Variants in PUM2 observed in about 807,000 individuals in gnomAD.
PUM2 encodes the protein pumilio homolog 2.
Under a neutral mutation model 124.5 loss-of-function variants are expected in PUM2, and 57 were observed. The observed-to-expected ratio is 0.46, with a 90% confidence interval of 0.37 to 0.57. PUM2 has a LOEUF of 0.57. Among genes scored for constraint, PUM2 ranks in the 20% least tolerant of loss-of-function variants. PUM2 has a pLI of 0.00. For synonymous variants in PUM2, 460 were observed against 446.1 expected (o/e 1.03, Z -0.39); for missense variants, 1,065 against 1,290.6 (o/e 0.83, Z 2.68).
Position 20,249,671 on chromosome 2 carries a change from T to C in PUM2, c.*1914A>G, listed in dbSNP as rs1165739256. 6.6e-6 allele frequency: 1 copy of C among 152,648 alleles called. No homozygotes were observed. The highest frequency in any genetic ancestry group is 2.4e-5 in the African/African-American group (1 of 41,460). 9.5% of individuals were successfully genotyped at this position (152,648 alleles called of 1,614,324 possible). Reference sequence around the variant, plus strand: ...AGATTGCGTTTCTTCTGCAGATCTCTAGTAAAAAAAGATCTCTTCCATATT... The same window carrying C: ...AGATTGCGTTTCTTCTGCAGATCTCCAGTAAAAAAAGATCTCTTCCATATT... On this transcript the variant is annotated 3_prime_UTR_variant, in exon 21 of 21. Coordinates refer to ENST00000361078, the MANE Select transcript of PUM2 (RefSeq NM_015317.5).
chr2:20,305,837 G>A (rs1678135948), intron 7 of PUM2, among the ~76,000 whole-genome samples: 1 of 152,062 alleles, frequency 6.6e-6, no homozygotes. Context: ...AATGAAATAT[G>A]CAAACCCCTA....
At chr2:20,277,924 G>A (rs1226364879) in intron 13 of PUM2, among the ~76,000 whole-genome samples, 2 of 152,040 alleles carry the variant, frequency 1.3e-5, no homozygotes, top group East Asian at 3.8e-4. Flanking sequence ...AATACTTCCT[G>A]GAGAGGGAAA....
At chr2:20,336,422 T>A (rs186312355) in intron 1 of PUM2, among the ~76,000 whole-genome samples, 1 of 151,974 alleles carries the variant, frequency 6.6e-6, no homozygotes, top group Admixed American at 6.6e-5. Context: ...TGAACTCAAG[T>A]GATCTGCACC....
intron 1 of PUM2, among the ~76,000 whole-genome samples, chr2:20,331,436 A>G (rs1572968858): frequency 6.6e-6 from 1 of 152,154 alleles, no homozygotes; most frequent in Non-Finnish European, 1.5e-5. Flanking sequence ...TTAATACAAG[A>G]CCAACCTCAG....
chr2:20,287,500 A>G (rs1673013173), intron 10 of PUM2, among the ~76,000 whole-genome samples: 1 of 151,988 alleles, frequency 6.6e-6, no homozygotes, highest in African/African-American at 2.4e-5. Context: ...GGGGTATTTT[A>G]AGCTAGAAAA....
chr2:20,320,863 T>C (rs1682153938), intron 2 of PUM2, among the ~76,000 whole-genome samples: 2 of 152,236 alleles, frequency 1.3e-5, no homozygotes, highest in South Asian at 4.1e-4. Context: ...GTTAATCCCT[T>C]AAAAATACTG....
At chr2:20,339,086 C>A (rs1158938962) in intron 1 of PUM2, among the ~76,000 whole-genome samples, 1 of 152,080 alleles carries the variant, frequency 6.6e-6, no homozygotes, top group Non-Finnish European at 1.5e-5. Flanking sequence ...TAATATGCCA[C>A]ATCTAAGCAC....
In PUM2 at chr2:20,251,604, G is replaced by A; in HGVS notation, c.3176C>T (p.Pro1059Leu). 6.2e-7 allele frequency: 1 copy of A among 1,612,662 alleles called. No homozygotes were observed. Among genetic ancestry groups the A allele is most frequent in the Non-Finnish European group, 8.5e-7 (1 of 1,179,288 alleles). Residue 1059 changes from proline (P) to leucine (L), a missense_variant, in exon 21 of 21, where the codon CCA becomes CTA. Coordinates refer to ENST00000361078, the MANE Select transcript of PUM2 (RefSeq NM_015317.5). ...TGTAATTTACAGCATTCCATTTGGTGGTCCTCCAATAGGTCCTAGGTCCGG... is the reference window on the plus strand; with the variant it reads ...TGTAATTTACAGCATTCCATTTGGTAGTCCTCCAATAGGTCCTAGGTCCGG... ...NSPDLGPIGG[P>L]PNGML
intron 13 of PUM2, among the ~76,000 whole-genome samples, chr2:20,272,537 T>C (rs1669289849): frequency 6.6e-6 from 1 of 152,258 alleles, no homozygotes; most frequent in South Asian, 2.1e-4. Context: ...TCTATTTATT[T>C]ATCCTTGTGC....
intron 7 of PUM2, among the ~76,000 whole-genome samples, chr2:20,303,993 T>TC: frequency 6.6e-6 from 1 of 152,064 alleles, no homozygotes; most frequent in Admixed American, 6.6e-5. Context: ...TGATCCTTCT[T>TC]TGTACTGTCA....
At chr2:20,351,215 G>A (rs1689309841), upstream of PUM2, among the ~76,000 whole-genome samples, 1 of 152,174 alleles carries the variant, frequency 6.6e-6, no homozygotes, top group South Asian at 2.1e-4. Context: ...CCCCAACTGG[G>A]TGTGCGGGTG....
chr2:20,324,506 A>T lies in PUM2; in HGVS notation c.51+2804T>A, dbSNP rs141499519. On this transcript the variant is annotated intron_variant, in intron 2 of 20. Transcript: ENST00000361078. ...CCTCTTTCCTGTTATTTAAAAAATA[A>T]GCAGAAACCCAGCTATATGTGCCCC... Among the ~76,000 whole-genome samples, 304 of 152,364 alleles carry T rather than the reference A, an allele frequency of 2.0e-3. 3 individuals are homozygous for T. The highest frequency in any genetic ancestry group is 6.7e-3 in the African/African-American group (280 of 41,588).
rs566413120 is a variant in PUM2 at position 20,255,419 on chromosome 2, T to G, written c.2623-78A>C. 1.9e-4 allele frequency: 276 copies of G among 1,435,970 alleles called. 1 individual carries two copies. The highest frequency in any genetic ancestry group is 2.5e-4 in the Non-Finnish European group (262 of 1,066,314). 89.0% of individuals were successfully genotyped at this position (1,435,970 alleles called of 1,614,324 possible). A position where few individuals can be genotyped will look rare whatever the true frequency, so the allele number is the denominator to read the frequency against. Reference sequence around the variant, plus strand: ...TTCTATGAAGCAGACTGGTTTGTTTTTTTTTTTTTTGACAACACCTAAAAG... The same window carrying G: ...TTCTATGAAGCAGACTGGTTTGTTTGTTTTTTTTTTGACAACACCTAAAAG... On this transcript the variant is annotated intron_variant, in intron 17 of 20. Transcript: ENST00000361078.
intron 3 of PUM2, among the ~76,000 whole-genome samples, chr2:20,315,836 C>CAAAAAAAAAA (rs60828412): frequency 2.8e-5 from 2 of 72,350 alleles, no homozygotes; most frequent in Non-Finnish European, 5.2e-5. Flanking sequence ...AACCTGGTCT[C>CAAAAAAAAAA]AAAAAAAAAA....
In PUM2 at chr2:20,322,663, C is replaced by T. The variant is rs538625326; in HGVS notation, c.52-4018G>A. 3.1e-4 allele frequency among the ~76,000 whole-genome samples: 47 copies of T among 151,870 alleles called. 2 individuals are homozygous for T. The South Asian group carries it at 9.0e-3, about 29-fold the overall frequency. On this transcript the variant is annotated intron_variant, in intron 2 of 20. Coordinates refer to ENST00000361078, the MANE Select transcript of PUM2 (RefSeq NM_015317.5). Reference sequence around the variant, plus strand: ...ACAAAAAATATAAAAATTAGCCAGGCGTGGTGGCGTGCACCTGCAGTCCCA... The same window carrying T: ...ACAAAAAATATAAAAATTAGCCAGGTGTGGTGGCGTGCACCTGCAGTCCCA...
intron 1 of PUM2, among the ~76,000 whole-genome samples, chr2:20,333,800 T>C (rs1288646363): frequency 2.6e-5 from 4 of 151,980 alleles, no homozygotes; most frequent in African/African-American, 7.3e-5. Context: ...TAAACCCCAG[T>C]GTTAGGGGTG....
intron 3 of PUM2, among the ~76,000 whole-genome samples, chr2:20,315,384 T>C (rs1680646253): frequency 6.6e-6 from 1 of 152,188 alleles, no homozygotes; most frequent in African/African-American, 2.4e-5. Context: ...AGAGACTCTC[T>C]TAGAATGACA....
intron 7 of PUM2, among the ~76,000 whole-genome samples, chr2:20,300,101 C>G (rs933862454): frequency 6.6e-6 from 1 of 152,116 alleles, no homozygotes; most frequent in African/African-American, 2.4e-5. Context: ...TATAATGAAG[C>G]ATGTCCAACC....
rs757411241 is a variant in PUM2 at position 20,258,284 on chromosome 2, C to T, written c.2443G>A (p.Val815Ile). Residue 815 changes from valine (V) to isoleucine (I), a missense_variant, in exon 16 of 21, where the codon GTT (valine) becomes ATT (isoleucine). This residue lies in a region of PUM2 where 968 missense variants were observed against 1,159.8 expected (regional missense o/e 0.83). Transcript: ENST00000361078. ...ATAGATTCTAATGCTTTCTGAATAA[C>T]GCGGCAGCCATACATCTGCAAGGCT... ...PLALQMYGCR[V>I]IQKALESISS... 5.6e-6 allele frequency: 9 copies of T among 1,611,050 alleles called. No homozygotes were observed. The highest frequency in any genetic ancestry group is 2.2e-5 in the East Asian group (1 of 44,744).
Sources: gnomAD v4.1 joint callset for allele counts (sites outside exome capture counted in the v4.1 genomes callset) on GRCh38, gnomAD v4.1.1 for gene constraint, gnomAD v4.1.1 regional missense constraint, MANE v1.5 for transcripts, NCBI Gene and HGNC (gene_info 2026-07-23, HGNC 2026-07-21) for gene names.